Variants in THNSL1 observed in about 807,000 individuals in gnomAD.
THNSL1 encodes threonine synthase like 1.
Under a neutral mutation model 50.4 loss-of-function variants are expected in THNSL1, and 48 were observed. The observed-to-expected ratio is 0.95, with a 90% CI of 0.76 to 1.21. The LOEUF (loss-of-function observed/expected upper bound fraction) is 1.21. Ranked by LOEUF, THNSL1 falls within the 50% of genes most tolerant of loss-of-function variation. The pLI, the probability that THNSL1 is intolerant of heterozygous loss-of-function variation, is 0.00. For synonymous variants in THNSL1, 309 were observed against 306.1 expected (o/e 1.01, Z -0.10); for missense variants, 896 against 871.7 (o/e 1.03, Z -0.35).
the THNSL1 span, among the ~76,000 whole-genome samples, chr10:24,969,029 G>A: frequency 6.6e-6 from 1 of 152,160 alleles, no homozygotes; most frequent in Admixed American, 6.5e-5. Flanking sequence ...GAGTAGCTGG[G>A]ATTACAAGTA....
chr10:25,012,891 G>A (rs1347417840), upstream of THNSL1, among the ~76,000 whole-genome samples: 1 of 152,130 alleles, frequency 6.6e-6, no homozygotes, highest in Non-Finnish European at 1.5e-5. Context: ...AGAATGATAT[G>A]GTTTGGCTGC....
chr10:24,988,678 A>G, the THNSL1 span, among the ~76,000 whole-genome samples: 33 of 2,306 alleles, frequency 0.014, no homozygotes, highest in African/African-American at 0.045. Context: ...ATATATATAT[A>G]TATATATATA....
At chr10:24,952,474 TG>T in the THNSL1 span, 1 of 1,526,328 alleles carries the variant, frequency 6.6e-7, no homozygotes, top group Non-Finnish European at 8.9e-7. This position sits in a 1 kb window ranked among gnomAD's most constrained non-coding sequence, Gnocchi z 5.1. Flanking sequence ...ACAAGCAGGG[TG>T]CCAGGGAGGG....
the THNSL1 span, among the ~76,000 whole-genome samples, chr10:24,964,432 C>T: frequency 6.6e-6 from 1 of 152,124 alleles, no homozygotes; most frequent in Non-Finnish European, 1.5e-5. Context: ...AAAACATAAA[C>T]ACAAAGAAAA....
the THNSL1 span, chr10:24,983,794 T>C: frequency 6.6e-6 from 1 of 152,226 alleles, no homozygotes; most frequent in Non-Finnish European, 1.5e-5. Context: ...TATTTTATAG[T>C]TGCATATATT....
chr10:24,955,807 G>T, the THNSL1 span, among the ~76,000 whole-genome samples: 1 of 152,100 alleles, frequency 6.6e-6, no homozygotes, highest in Non-Finnish European at 1.5e-5. Context: ...TTAGCCAGGT[G>T]TGGTAGCGTG....
chr10:25,008,796 C>T, the THNSL1 span, among the ~76,000 whole-genome samples: 1 of 152,170 alleles, frequency 6.6e-6, no homozygotes, highest in African/African-American at 2.4e-5. Flanking sequence ...GCTATAAAGA[C>T]ACATGCACAC....
In THNSL1 at chr10:25,018,662, T is replaced by TTG. The variant is rs1466756816; in HGVS notation, c.-216+1971_-216+1972insGT. 8.1e-3 allele frequency among the ~76,000 whole-genome samples: 1,049 copies of TTG among 129,722 alleles called. 25 individuals carry two copies. The highest frequency in any genetic ancestry group is 0.016 in the South Asian group (56 of 3,446). The allele number at this position is 129,722 out of a possible 152,430, so 85.1% of individuals were successfully genotyped here. A position where few individuals can be genotyped will look rare whatever the true frequency, so the allele number is the denominator to read the frequency against. ...TGTACATAAACAAATGAGAGTTGTT[T>TTG]TTTTTTTTTTTTTTTTTGCGAAGGA... On this transcript the variant is annotated intron_variant, in intron 1 of 2. Transcript: ENST00000376356.
chr10:25,000,160 T>C, the THNSL1 span, among the ~76,000 whole-genome samples: 318 of 152,312 alleles, frequency 2.1e-3, 1 homozygote, highest in African/African-American at 6.9e-3. Flanking sequence ...TGATTTCAGA[T>C]ATATTTCTAT....
rs372330695 is a variant in THNSL1 at position 25,018,834 on chromosome 10, G to A, written c.-216+2142G>A. Among the ~76,000 whole-genome samples the A allele has an allele frequency of 3.3e-4, 50 of 152,146 alleles. 1 individual carries two copies. In the South Asian group the frequency reaches 0.01, roughly 32 times the overall value. On this transcript the variant is annotated intron_variant, in intron 1 of 2. Coordinates refer to ENST00000376356, the MANE Select transcript of THNSL1 (RefSeq NM_024838.5). The stretch of plus-strand genomic sequence containing the variant: ...TACTAAAGTTTTCAATTAAATATTC[G>A]AGATCGTTAAGAATATGTCTAACAG...
At chr10:24,969,101 T>G in the THNSL1 span, among the ~76,000 whole-genome samples, 2 of 152,076 alleles carry the variant, frequency 1.3e-5, no homozygotes, top group Admixed American at 1.3e-4. Context: ...ACCATGTTGG[T>G]CAGGCTGGTC....
chr10:24,988,376 G>GTATATATGTGTATATATT, the THNSL1 span, among the ~76,000 whole-genome samples: 12 of 141,428 alleles, frequency 8.5e-5, no homozygotes, highest in Non-Finnish European at 1.8e-4. Context: ...ATTTATATAT[G>GTATATATGTGTATATATT]TATATATGTG....
upstream of THNSL1, among the ~76,000 whole-genome samples, chr10:25,012,429 C>T (rs1415142793): frequency 6.6e-6 from 1 of 152,184 alleles, no homozygotes; most frequent in Non-Finnish European, 1.5e-5. Flanking sequence ...ACTCAATGCC[C>T]ACCCATGAAA....
the THNSL1 span, among the ~76,000 whole-genome samples, chr10:25,004,424 A>C: frequency 9.6e-4 from 146 of 151,858 alleles, no homozygotes; most frequent in African/African-American, 3.4e-3. Context: ...TTTCTCCACA[A>C]CCTCACCAGT....
At chr10:24,977,574 G>T in the THNSL1 span, among the ~76,000 whole-genome samples, 10,082 of 152,066 alleles carry the variant, frequency 0.066, 1,088 homozygotes, top group African/African-American at 0.23. Flanking sequence ...TATTATATAC[G>T]CCTACACAGT....
chr10:25,008,248 C>G, the THNSL1 span, among the ~76,000 whole-genome samples: 1 of 151,938 alleles, frequency 6.6e-6, no homozygotes, highest in Non-Finnish European at 1.5e-5. Flanking sequence ...TCATGACAAA[C>G]AAAAAGAGAC....
At chr10:24,977,376 G>A in the THNSL1 span, among the ~76,000 whole-genome samples, 1 of 152,154 alleles carries the variant, frequency 6.6e-6, no homozygotes, top group Non-Finnish European at 1.5e-5. Context: ...ACTTACCTTT[G>A]AGTAAATTAT....
At position 25,025,697 on chromosome 10, in the gene THNSL1, C is replaced by T. The variant is rs1850837170; in HGVS notation, c.*242C>T. Reference sequence around the variant, plus strand: ...CTTTGAGCTATCATACTTTTGCCTTCTGCTCATGAGGGGTGTATCAATTTC... The same window carrying T: ...CTTTGAGCTATCATACTTTTGCCTTTTGCTCATGAGGGGTGTATCAATTTC... On this transcript the variant is annotated 3_prime_UTR_variant, in exon 3 of 3. Coordinates refer to ENST00000376356, the MANE Select transcript of THNSL1 (RefSeq NM_024838.5). The T allele has an allele frequency of 4.3e-6, 2 of 464,826 alleles. No homozygotes were observed. The highest frequency in any genetic ancestry group is 3.8e-5 in the Admixed American group (1 of 25,998). 28.8% of individuals were successfully genotyped at this position (464,826 alleles called of 1,614,324 possible). A position where few individuals can be genotyped will look rare whatever the true frequency, so the allele number is the denominator to read the frequency against.
chr10:24,959,196 T>C, the THNSL1 span, among the ~76,000 whole-genome samples: 1 of 152,180 alleles, frequency 6.6e-6, no homozygotes, highest in East Asian at 1.9e-4. Flanking sequence ...GGGGCCTCCT[T>C]AGTCAGCAGC....
Sources: allele counts gnomAD v4.1 joint callset (sites outside exome capture counted in the v4.1 genomes callset), GRCh38; gene constraint gnomAD v4.1.1; non-coding constraint Gnocchi (gnomAD v3.1); transcripts MANE v1.5; gene names NCBI Gene and HGNC (gene_info 2026-07-23, HGNC 2026-07-21).